AKT3: variants seen among roughly 807,000 people sequenced by gnomAD.
The protein encoded by AKT3 is RAC-gamma serine/threonine-protein kinase.
A neutral mutation model predicts 65.3 loss-of-function variants in AKT3; 15 were observed. The ratio of observed to expected loss-of-function variants is 0.23; its 90% CI spans 0.15 to 0.35. The LOEUF is 0.35. Among genes scored for constraint, AKT3 ranks in the 10% least tolerant of loss-of-function variants. AKT3 has a pLI of 1.00. For synonymous variants in AKT3, 206 were observed against 183.8 expected (o/e 1.12, Z -0.98); for missense variants, 243 against 576.5 (o/e 0.42, Z 5.92).
intron 4 of AKT3, among the ~76,000 whole-genome samples, chr1:243,651,977 C>A (rs1317701986): frequency 6.6e-6 from 1 of 151,990 alleles, no homozygotes; most frequent in Non-Finnish European, 1.5e-5. Flanking sequence ...AACAGCGGAT[C>A]TCTCTGCAGA....
At chr1:243,744,875 T>C (rs1227168582) in intron 2 of AKT3, among the ~76,000 whole-genome samples, 2 of 152,160 alleles carry the variant, frequency 1.3e-5, no homozygotes, top group East Asian at 1.9e-4. Flanking sequence ...GCTATTCTCA[T>C]CACCATGAGG....
chr1:243,607,418 A>AG (rs1238182416), intron 8 of AKT3, among the ~76,000 whole-genome samples: 1 of 152,210 alleles, frequency 6.6e-6, no homozygotes, highest in Non-Finnish European at 1.5e-5. Context: ...TGGAACTTTA[A>AG]GGTTTAATGA....
At chr1:243,824,779 A>C (rs1341253657) in intron 2 of AKT3, among the ~76,000 whole-genome samples, 2 of 152,214 alleles carry the variant, frequency 1.3e-5, no homozygotes, top group African/African-American at 4.8e-5. Flanking sequence ...GCTGTGGAGA[A>C]AGAGGAACAC....
intron 2 of AKT3, among the ~76,000 whole-genome samples, chr1:243,719,859 A>C (rs1686764242): frequency 6.6e-6 from 1 of 152,178 alleles, no homozygotes; most frequent in African/African-American, 2.4e-5. Context: ...AGACAGCTGC[A>C]AAAAACAGTC....
chr1:243,566,363 A>C (rs1216049523), intron 9 of AKT3, among the ~76,000 whole-genome samples: 1 of 152,218 alleles, frequency 6.6e-6, no homozygotes, highest in Non-Finnish European at 1.5e-5. Flanking sequence ...CCCAGAACTG[A>C]GGGGTTTCAA....
intron 2 of AKT3, among the ~76,000 whole-genome samples, chr1:243,783,481 A>T (rs1378105376): frequency 6.6e-6 from 1 of 152,188 alleles, no homozygotes; most frequent in Non-Finnish European, 1.5e-5. Context: ...CATCTGGACT[A>T]GGTATAACTC....
chr1:243,761,492 A>G (rs192992795), intron 2 of AKT3, among the ~76,000 whole-genome samples: 112 of 152,308 alleles, frequency 7.4e-4, no homozygotes, highest in Non-Finnish European at 1.3e-3. Context: ...AAGACCATCA[A>G]TGGATAAATG....
intron 10 of AKT3, among the ~76,000 whole-genome samples, chr1:243,558,316 G>A (rs1023791908): frequency 7.9e-5 from 12 of 151,850 alleles, no homozygotes; most frequent in African/African-American, 2.9e-4. Context: ...TGTACTATGA[G>A]CTAACACAAT....
chr1:243,669,949 T>C (rs937941456), intron 3 of AKT3, among the ~76,000 whole-genome samples: 11 of 152,186 alleles, frequency 7.2e-5, no homozygotes, highest in African/African-American at 2.7e-4. Flanking sequence ...CCAAATGACA[T>C]ATATGAAATG....
chr1:243,726,890 T>C (rs944461866), intron 2 of AKT3, among the ~76,000 whole-genome samples: 1 of 152,164 alleles, frequency 6.6e-6, no homozygotes, highest in African/African-American at 2.4e-5. Context: ...ACTCTGGCAA[T>C]GAAAAGTCAA....
At chr1:243,708,906 A>G (rs1685974431) in intron 2 of AKT3, among the ~76,000 whole-genome samples, 1 of 152,008 alleles carries the variant, frequency 6.6e-6, no homozygotes, top group South Asian at 2.1e-4. Context: ...TATAATGCAA[A>G]TGACAAATTG....
At chr1:243,583,595 A>C (rs531268623) in intron 8 of AKT3, among the ~76,000 whole-genome samples, 29 of 151,588 alleles carry the variant, frequency 1.9e-4, no homozygotes, top group Admixed American at 4.6e-4. Context: ...ACAAACAAAA[A>C]AACCCTGAAA....
In AKT3 at chr1:243,800,631, T is replaced by C. The variant is rs547784679; in HGVS notation, c.46+42494A>G. Among the ~76,000 whole-genome samples the C allele has an allele frequency of 6.0e-4, 91 of 152,076 alleles. No individual in the cohort carries two copies. The Middle Eastern group carries it at 0.01, about 17-fold the overall frequency. On this transcript the variant is annotated intron_variant, in intron 2 of 13. Transcript: ENST00000673466. ...TACTCGGGAGGCTGAGGCAGGAGAATTGCTTGAACCCACAAGGCAGAGGTT... is the reference window on the plus strand; with the variant it reads ...TACTCGGGAGGCTGAGGCAGGAGAACTGCTTGAACCCACAAGGCAGAGGTT...
chr1:243,624,303 C>G (rs562868366), intron 6 of AKT3, among the ~76,000 whole-genome samples: 5 of 152,250 alleles, frequency 3.3e-5, no homozygotes, highest in Middle Eastern at 3.4e-3. Context: ...GGACTTAGAT[C>G]ACTGGATACA....
At chr1:243,740,583 T>G (rs1223716047) in intron 2 of AKT3, 1 of 152,192 alleles carries the variant, frequency 6.6e-6, no homozygotes, top group African/African-American at 2.4e-5. Context: ...CTAAATAAAG[T>G]TTTATTGGAA....
chr1:243,643,676 A>G (rs968110176), intron 5 of AKT3, among the ~76,000 whole-genome samples: 1 of 152,208 alleles, frequency 6.6e-6, no homozygotes, highest in African/African-American at 2.4e-5. Flanking sequence ...CCACTAAGGG[A>G]GGTAACGAAC....
intron 2 of AKT3, among the ~76,000 whole-genome samples, chr1:243,780,112 C>G (rs1690809437): frequency 6.6e-6 from 1 of 151,966 alleles, no homozygotes; most frequent in Admixed American, 6.6e-5. Context: ...TGAGGAGCAA[C>G]CAGATATTCA....
chr1:243,664,929 A>C, intron 3 of AKT3, 46 bp from the exon 4 acceptor site: 1 of 1,142,874 alleles, frequency 8.7e-7, no homozygotes, highest in Non-Finnish European at 1.2e-6. Context: ...TATATTTAAA[A>C]CAAGAAGTAA....
intron 3 of AKT3, among the ~76,000 whole-genome samples, chr1:243,673,034 G>C (rs1034101903): frequency 3.9e-5 from 6 of 152,202 alleles, no homozygotes; most frequent in Admixed American, 3.9e-4. Flanking sequence ...AAGGAATTAG[G>C]CATGTTGGTT....
Sources: allele counts gnomAD v4.1 joint callset (sites outside exome capture counted in the v4.1 genomes callset), GRCh38; gene constraint gnomAD v4.1.1; transcripts MANE v1.5; gene names NCBI Gene and HGNC (gene_info 2026-07-23, HGNC 2026-07-21).